JMJD1C: variants seen among roughly 807,000 people sequenced by gnomAD.
The protein encoded by JMJD1C is jumonji domain-containing protein 1C.
Under a neutral mutation model 245.3 loss-of-function variants are expected in JMJD1C, and 31 were observed. The observed-to-expected ratio is 0.13, with a 90% confidence interval of 0.09 to 0.17. The LOEUF is 0.17. Ranked by LOEUF, JMJD1C falls within the 10% of genes least tolerant of loss-of-function variation. The pLI, the probability that JMJD1C is intolerant of heterozygous loss-of-function variation, is 1.00. For missense variants in JMJD1C, 2,691 were observed against 3,000.2 expected, an observed-to-expected ratio of 0.90 and a Z score of 2.41; for synonymous variants, 1,057 against 1,017.4, an observed-to-expected ratio of 1.04 and a Z score of -0.74.
chr10:63,464,937 G>C (rs936172788), intron 1 of JMJD1C, among the ~76,000 whole-genome samples: 6 of 152,172 alleles, frequency 3.9e-5, no homozygotes, highest in African/African-American at 1.4e-4. Context: ...ATGAATCCGG[G>C]CACAGCCACC....
intron 2 of JMJD1C, among the ~76,000 whole-genome samples, chr10:63,350,913 C>T (rs1944301339): frequency 6.6e-6 from 1 of 151,782 alleles, no homozygotes. Context: ...GCCACCGCAC[C>T]CGGCCCAAAA....
intron 1 of JMJD1C, among the ~76,000 whole-genome samples, chr10:63,406,257 T>G (rs1949164419): frequency 6.6e-6 from 1 of 152,180 alleles, no homozygotes; most frequent in African/African-American, 2.4e-5. Context: ...TAGTCACTTT[T>G]AAATTTAGTT....
chr10:63,324,819 G>C (rs1048418868), intron 2 of JMJD1C, among the ~76,000 whole-genome samples: 1 of 152,184 alleles, frequency 6.6e-6, no homozygotes, highest in Non-Finnish European at 1.5e-5. Flanking sequence ...CTGCATGTAA[G>C]TCTAATCAGA....
intron 16 of JMJD1C, among the ~76,000 whole-genome samples, chr10:63,192,396 C>T (rs1282865515): frequency 6.6e-6 from 1 of 152,046 alleles, no homozygotes; most frequent in Non-Finnish European, 1.5e-5. Flanking sequence ...ATGGTGACGC[C>T]CTGTCTCTAC....
intron 17 of JMJD1C, 62 bp from the exon 18 acceptor site, chr10:63,189,508 T>G: frequency 7.2e-7 from 1 of 1,392,962 alleles, no homozygotes. Flanking sequence ...TACATTTTCC[T>G]CCCACAGACT....
At chr10:63,435,143 T>A (rs1950992678) in intron 1 of JMJD1C, among the ~76,000 whole-genome samples, 2 of 152,364 alleles carry the variant, frequency 1.3e-5, no homozygotes, top group South Asian at 4.1e-4. Flanking sequence ...CTTTTATCAT[T>A]CAGCTGAGAT....
At chr10:63,465,345 G>A (rs1366954852) in intron 1 of JMJD1C, 150 bp downstream of exon 1, 3 of 786,248 alleles carry the variant, frequency 3.8e-6, no homozygotes, top group African/African-American at 3.5e-5. Context: ...CCAGGCAAGG[G>A]ATGCGGGCAA....
chr10:63,378,388 G>A (rs913709427), intron 2 of JMJD1C, among the ~76,000 whole-genome samples: 9 of 152,002 alleles, frequency 5.9e-5, no homozygotes, highest in Admixed American at 4.6e-4. Context: ...TCAGGAGATC[G>A]AGACCATCCT....
Position 63,370,949 on chromosome 10 carries a change from TATAAA to T in JMJD1C, c.333+9364_333+9368del, listed in dbSNP as rs566469397. Reference sequence around the variant, plus strand: ...TTGGTCAGGCAAAATTCTGCCATAATATAAAATAATGATCTCCATTACTTTATAAT... The same window carrying T: ...TTGGTCAGGCAAAATTCTGCCATAATATAATGATCTCCATTACTTTATAAT... On this transcript the variant is annotated intron_variant, in intron 2 of 25. Transcript: ENST00000399262. 3.7e-3 allele frequency among the ~76,000 whole-genome samples: 571 copies of T among 152,288 alleles called. 3 individuals carry two copies. Among genetic ancestry groups the T allele is most frequent in the African/African-American group, 0.013 (537 of 41,562 alleles).
rs568661018 is a variant in JMJD1C at position 63,370,921 on chromosome 10, AT to A, written c.333+9396del. Reference sequence around the variant, plus strand: ...ATAGTTGTTTTTTAGGGAAAAGACAATTTTGGTCAGGCAAAATTCTGCCATA... The same window carrying A: ...ATAGTTGTTTTTTAGGGAAAAGACAATTTGGTCAGGCAAAATTCTGCCATA... On this transcript the variant is annotated intron_variant, in intron 2 of 25. Transcript: ENST00000399262. Among the ~76,000 whole-genome samples, 701 of 152,320 alleles carry A rather than the reference AT, an allele frequency of 4.6e-3. 2 individuals are homozygous for A. The highest frequency in any genetic ancestry group is 0.016 in the African/African-American group (668 of 41,568).
intron 10 of JMJD1C, chr10:63,203,323 A>T (rs1024660732): frequency 3.1e-6 from 3 of 982,976 alleles, no homozygotes; most frequent in Non-Finnish European, 3.6e-6. Context: ...CTTAGTCAAC[A>T]AAAAAATACC....
At chr10:63,365,182 C>T (rs1945732322) in intron 2 of JMJD1C, among the ~76,000 whole-genome samples, 2 of 152,316 alleles carry the variant, frequency 1.3e-5, no homozygotes, top group East Asian at 3.9e-4. Context: ...CCTCATCCTC[C>T]TCTGTATCAC....
At chr10:63,183,364 T>C (rs1843718039) in intron 22 of JMJD1C, 83 bp downstream of exon 22, 1 of 1,267,992 alleles carries the variant, frequency 7.9e-7, no homozygotes, top group Non-Finnish European at 1.1e-6. Context: ...CGCTGTTAAC[T>C]CAGAAGCTGA....
At chr10:63,493,860 G>A (rs1317464817) in intron 1 of JMJD1C, among the ~76,000 whole-genome samples, 1 of 152,048 alleles carries the variant, frequency 6.6e-6, no homozygotes, top group Admixed American at 6.6e-5. Flanking sequence ...ATAACTCTAA[G>A]AATGTTTTCT....
intron 1 of JMJD1C, among the ~76,000 whole-genome samples, chr10:63,447,963 G>A (rs1447538538): frequency 6.6e-6 from 1 of 151,606 alleles, no homozygotes; most frequent in African/African-American, 2.4e-5. Context: ...AAAAGAGAGA[G>A]AGAAAGAAAA....
chr10:63,322,270 C>T (rs1437458902), intron 2 of JMJD1C, among the ~76,000 whole-genome samples: 1 of 151,994 alleles, frequency 6.6e-6, no homozygotes, highest in African/African-American at 2.4e-5. Context: ...AGGATCTCAC[C>T]TAAGGACTCT....
At chr10:63,440,365 T>TATAGAGAGAG (rs749850334) in intron 1 of JMJD1C, among the ~76,000 whole-genome samples, 3 of 138,250 alleles carry the variant, frequency 2.2e-5, no homozygotes, top group African/African-American at 5.3e-5. Context: ...TATATATATA[T>TATAGAGAGAG]AGAGAGAGAG....
chr10:63,247,857 A>C (rs1005426187), intron 3 of JMJD1C, among the ~76,000 whole-genome samples: 2 of 151,290 alleles, frequency 1.3e-5, no homozygotes, highest in Non-Finnish European at 2.9e-5. Context: ...AACAAAACAA[A>C]ACAAAACAAA....
chr10:63,362,256 CTA>C (rs1454064012), intron 2 of JMJD1C, among the ~76,000 whole-genome samples: 2 of 149,948 alleles, frequency 1.3e-5, no homozygotes, highest in African/African-American at 4.9e-5. Context: ...AAAAAAATCA[CTA>C]GTTTGAAAGA....
Sources: gnomAD v4.1 joint callset for allele counts (sites outside exome capture counted in the v4.1 genomes callset) on GRCh38, gnomAD v4.1.1 for gene constraint, MANE v1.5 for transcripts, NCBI Gene and HGNC (gene_info 2026-07-23, HGNC 2026-07-21) for gene names.